NEDD4L: variants seen among roughly 807,000 people sequenced by gnomAD.
NEDD4L encodes the protein NEDD4 like E3 ubiquitin protein ligase.
In NEDD4L, 54 loss-of-function variants were observed where a neutral mutation model predicts 148.9. That is an observed-to-expected ratio of 0.36 (90% CI 0.29 to 0.45). NEDD4L has a LOEUF of 0.45. Ranked by LOEUF, NEDD4L falls within the 20% of genes least tolerant of loss-of-function variation. The pLI is 1.00. For missense variants in NEDD4L, 856 were observed against 1,233.8 expected (o/e 0.69, Z 4.59); for synonymous variants, 433 against 440.7 (o/e 0.98, Z 0.22).
chr18:58,218,235 A>G (rs1473870222), intron 2 of NEDD4L, among the ~76,000 whole-genome samples: 1 of 152,092 alleles, frequency 6.6e-6, no homozygotes, highest in African/African-American at 2.4e-5. Flanking sequence ...CCTTTGTGGT[A>G]TTTCATAAAA....
At chr18:58,295,835 T>A (rs2055479537) in intron 5 of NEDD4L, among the ~76,000 whole-genome samples, 1 of 152,150 alleles carries the variant, frequency 6.6e-6, no homozygotes, top group Non-Finnish European at 1.5e-5. Context: ...GGGAGATTCC[T>A]GGCAGATAGA....
chr18:58,081,371 G>A (rs1466482679), intron 1 of NEDD4L, among the ~76,000 whole-genome samples: 5 of 151,592 alleles, frequency 3.3e-5, no homozygotes, highest in East Asian at 1.9e-4. Flanking sequence ...GCCTACCACC[G>A]CGCCCGGCTA....
intron 17 of NEDD4L, among the ~76,000 whole-genome samples, chr18:58,350,082 C>T (rs1458016938): frequency 6.6e-6 from 1 of 152,142 alleles, no homozygotes; most frequent in African/African-American, 2.4e-5. Flanking sequence ...TTGGTGACGG[C>T]TCAGTAGGAG....
intron 5 of NEDD4L, among the ~76,000 whole-genome samples, chr18:58,270,947 G>A (rs894351693): frequency 3.0e-4 from 46 of 151,998 alleles, no homozygotes; most frequent in African/African-American, 1.1e-3. Context: ...TATCTCTGCT[G>A]ATTTTACTCT....
chr18:58,367,996 C>A, intron 22 of NEDD4L, 129 bp downstream of exon 22: 1 of 1,010,696 alleles, frequency 9.9e-7, no homozygotes, highest in Non-Finnish European at 1.4e-6. Context: ...TTATGTTTTG[C>A]CCATAATGGA....
rs528931384 is a variant in NEDD4L, at chr18:58,079,497, C to T, written c.48+34789C>T. Among the ~76,000 whole-genome samples, 84 of 152,332 alleles carry T rather than the reference C, an allele frequency of 5.5e-4. 1 individual carries two copies. Among genetic ancestry groups the T allele is most frequent in the African/African-American group, 1.9e-3 (81 of 41,574 alleles). Reference sequence around the variant, plus strand: ...CTATAACTTAGGTAACTGCTATTATCCCTGGTATACAGATGGGGAAACTGA... The same window carrying T: ...CTATAACTTAGGTAACTGCTATTATTCCTGGTATACAGATGGGGAAACTGA... On this transcript the variant is annotated intron_variant, in intron 1 of 30. Transcript: ENST00000400345.
chr18:58,354,488 A>G (rs1013956255), intron 18 of NEDD4L, among the ~76,000 whole-genome samples: 1 of 152,020 alleles, frequency 6.6e-6, no homozygotes, highest in African/African-American at 2.4e-5. Flanking sequence ...ACTTTCATAC[A>G]TTGACCATAC....
At chr18:58,305,131 G>A (rs896139107) in intron 5 of NEDD4L, among the ~76,000 whole-genome samples, 4 of 152,210 alleles carry the variant, frequency 2.6e-5, no homozygotes, top group Non-Finnish European at 4.4e-5. Flanking sequence ...TGGGCCCAGC[G>A]ATTTCTCATT....
chr18:58,311,706 TTTG>T (rs147148524), intron 5 of NEDD4L, among the ~76,000 whole-genome samples: 11,563 of 151,994 alleles, frequency 0.076, 475 homozygotes, highest in Middle Eastern at 0.11. Flanking sequence ...CCCTGTGGTT[TTTG>T]TTGTTGTTGT....
chr18:58,138,628 T>TTTA (rs2033138322), intron 1 of NEDD4L, among the ~76,000 whole-genome samples: 1 of 152,080 alleles, frequency 6.6e-6, no homozygotes, highest in African/African-American at 2.4e-5. Context: ...CACTTAATGC[T>TTTA]CACAGTTTTG....
At chr18:58,395,277 G>C (rs957236947) in intron 30 of NEDD4L, among the ~76,000 whole-genome samples, 2 of 152,114 alleles carry the variant, frequency 1.3e-5, no homozygotes, top group African/African-American at 4.8e-5. Context: ...GTGGCTAAAG[G>C]CTCTGGTCTT....
chr18:58,318,133 G>A (rs2058455521), intron 6 of NEDD4L, among the ~76,000 whole-genome samples: 1 of 152,110 alleles, frequency 6.6e-6, no homozygotes, highest in Non-Finnish European at 1.5e-5. Flanking sequence ...TGGAGAGGGC[G>A]GGAGCATATG....
intron 2 of NEDD4L, among the ~76,000 whole-genome samples, chr18:58,240,390 C>T (rs1487459190): frequency 6.6e-6 from 1 of 152,126 alleles, no homozygotes; most frequent in South Asian, 2.1e-4. Context: ...GTTGGAGTGG[C>T]ACTAAATCAT....
At chr18:58,382,535 T>G (rs1159649692) in intron 24 of NEDD4L, among the ~76,000 whole-genome samples, 1 of 152,210 alleles carries the variant, frequency 6.6e-6, no homozygotes, top group Non-Finnish European at 1.5e-5. Context: ...AAAAACATTT[T>G]ATTTTAAAAT....
intron 5 of NEDD4L, among the ~76,000 whole-genome samples, chr18:58,306,909 CAGG>C (rs2057131583): frequency 6.6e-6 from 1 of 152,228 alleles, no homozygotes; most frequent in East Asian, 1.9e-4. Context: ...GCTGGGATTA[CAGG>C]CGTGAGCCAC....
intron 24 of NEDD4L, among the ~76,000 whole-genome samples, chr18:58,373,893 G>A (rs192562040): frequency 1.3e-3 from 202 of 152,308 alleles, no homozygotes; most frequent in African/African-American, 2.6e-3. Context: ...GGATCTATGC[G>A]ATGTATTTGT....
chr18:58,236,830 C>A (rs2148270102), intron 2 of NEDD4L, among the ~76,000 whole-genome samples: 1 of 152,246 alleles, frequency 6.6e-6, no homozygotes, highest in South Asian at 2.1e-4. Context: ...TCAAGACTAG[C>A]CCGACCAACA....
In NEDD4L at chr18:58,095,624, G is replaced by A. The variant is rs149742370; in HGVS notation, c.48+50916G>A. On this transcript the variant is annotated intron_variant, in intron 1 of 30. Coordinates refer to ENST00000400345, the MANE Select transcript of NEDD4L (RefSeq NM_001144967.3). ...TGGAATCCTCGCCCATTGGGGCCAT[G>A]GGCATTGATCGACACTGTGGAGCTT... Among the ~76,000 whole-genome samples the A allele has an allele frequency of 1.0e-3, 153 of 152,334 alleles. 1 individual carries two copies. In the East Asian group the frequency reaches 0.027, roughly 27 times the overall value.
At chr18:58,222,257 G>A (rs571760195) in intron 2 of NEDD4L, among the ~76,000 whole-genome samples, 1 of 152,278 alleles carries the variant, frequency 6.6e-6, no homozygotes, top group South Asian at 2.1e-4. Context: ...GGAGATACCA[G>A]CTCTCCTTTG....
Sources: allele counts gnomAD v4.1 joint callset (sites outside exome capture counted in the v4.1 genomes callset), GRCh38; gene constraint gnomAD v4.1.1; transcripts MANE v1.5; gene names NCBI Gene and HGNC (gene_info 2026-07-23, HGNC 2026-07-21).